The following ZNF609 variants were observed in gnomAD, a reference collection of about 807,000 sequenced individuals.
ZNF609 encodes the protein zinc finger protein 609.
ZNF609 carries 11 observed loss-of-function variants against 109.5 expected under a neutral mutation model. That is an observed-to-expected ratio of 0.10 (90% CI 0.06 to 0.17). The LOEUF is 0.17. Ranked by LOEUF, ZNF609 falls within the 10% of genes least tolerant of loss-of-function variation. The pLI, the probability that ZNF609 is intolerant of heterozygous loss-of-function variation, is 1.00. For synonymous variants in ZNF609, 646 were observed against 662.0 expected (o/e 0.98, Z 0.37); for missense variants, 1,559 against 1,772.4 (o/e 0.88, Z 2.16).
chr15:64,662,307 A>C (rs1372462610), intron 3 of ZNF609, among the ~76,000 whole-genome samples: 3 of 152,150 alleles, frequency 2.0e-5, no homozygotes, highest in Admixed American at 6.5e-5. Context: ...AAGTTGCTAA[A>C]GGCAGCTCAC....
At position 64,678,094 on chromosome 15, in the gene ZNF609, C is replaced by A. The variant is rs200522832; in HGVS notation, c.3403-22C>A. ...CTGTCTTATCTGTACAACACCCAGT[C>A]GTTGTTCTGTGATTGTTGTAGGAGG... On this transcript the variant is annotated intron_variant, in intron 5 of 9. Transcript: ENST00000326648. 9 of 1,601,834 alleles carry A rather than the reference C, an allele frequency of 5.6e-6. No homozygotes were observed. In the East Asian group the frequency reaches 1.1e-4, roughly 20 times the overall value.
Position 64,499,990 on chromosome 15 carries a change from T to C in ZNF609, c.571T>C (p.Leu191=), listed in dbSNP as rs893352627. 6.2e-7 allele frequency: 1 copy of C among 1,613,918 alleles called. No homozygotes were observed. The highest frequency in any genetic ancestry group is 1.3e-5 in the African/African-American group (1 of 74,888). The stretch of plus-strand genomic sequence containing the variant: ...TCCTGGGGTCCTCCAGCCAGTTCCC[T>C]TGGGAGGACGGGGTGGTCAGTATGA... ...KDPGVLQPVP[L]GGRGGQYDGS... is the part of the protein sequence containing the mutation. The change falls in exon 2 of 10, where the codon TTG becomes CTG. Residue 191 remains leucine (L), a synonymous_variant. Transcript: ENST00000326648.
At chr15:64,547,532 G>A (rs1300395698) in intron 2 of ZNF609, among the ~76,000 whole-genome samples, 1 of 152,140 alleles carries the variant, frequency 6.6e-6, no homozygotes, top group African/African-American at 2.4e-5. Context: ...TGGAAAGTAG[G>A]CCCTGTGCTC....
rs373493536 is a variant in ZNF609 at position 64,585,177 on chromosome 15, TAGTC to T, written c.748-37647_748-37644del. On this transcript the variant is annotated intron_variant, in intron 2 of 9. Coordinates refer to ENST00000326648, the MANE Select transcript of ZNF609 (RefSeq NM_015042.2). ...TTGTCTCTACTAAAAATACAAAAAT[TAGTC>T]AGGCGTGGTGATGCACGCCTGTAAT... Among the ~76,000 whole-genome samples, 103 of 151,782 alleles carry T rather than the reference TAGTC, an allele frequency of 6.8e-4. No individual in the cohort carries two copies. In the East Asian group the frequency reaches 0.01, roughly 15 times the overall value.
intron 3 of ZNF609, among the ~76,000 whole-genome samples, 174 bp downstream of exon 3, chr15:64,623,226 C>T (rs1006285665): frequency 5.3e-5 from 8 of 152,232 alleles, no homozygotes; most frequent in African/African-American, 1.9e-4. Context: ...TTCCCAGCTT[C>T]TAGAGATTCT....
intron 2 of ZNF609, 87 bp from the exon 3 acceptor site, chr15:64,622,740 G>GAT: frequency 8.6e-7 from 1 of 1,156,678 alleles, no homozygotes; most frequent in East Asian, 2.3e-5. Flanking sequence ...GGCAGGAATA[G>GAT]ATATAGGACT....
intron 2 of ZNF609, among the ~76,000 whole-genome samples, chr15:64,538,133 G>C (rs1365880767): frequency 6.6e-6 from 1 of 151,636 alleles, no homozygotes; most frequent in Non-Finnish European, 1.5e-5. Context: ...GAAAGAAAAT[G>C]TATATCCTAG....
At chr15:64,668,325 A>G (rs1186439119) in intron 3 of ZNF609, among the ~76,000 whole-genome samples, 1 of 152,228 alleles carries the variant, frequency 6.6e-6, no homozygotes, top group African/African-American at 2.4e-5. Context: ...CAAATACAAC[A>G]AGACTGTGAA....
intron 3 of ZNF609, among the ~76,000 whole-genome samples, chr15:64,659,089 T>A (rs543207189): frequency 6.6e-6 from 1 of 152,300 alleles, no homozygotes; most frequent in South Asian, 2.1e-4. Context: ...TAGGAGAGCC[T>A]TAAAGATCTA....
At chr15:64,480,988 A>C (rs1298173563) in intron 1 of ZNF609, among the ~76,000 whole-genome samples, 1 of 152,220 alleles carries the variant, frequency 6.6e-6, no homozygotes, top group Non-Finnish European at 1.5e-5. Flanking sequence ...TACCCGGAGG[A>C]ACAAATAAGA....
chr15:64,592,906 C>T, intron 2 of ZNF609: 1 of 740,448 alleles, frequency 1.4e-6, no homozygotes, highest in Non-Finnish European at 2.3e-6. Context: ...GAGCAAGACT[C>T]TTGTCTCAAA....
Position 64,678,230 on chromosome 15 carries a change from C to T in ZNF609, c.3517C>T (p.Arg1173Trp), listed in dbSNP as rs138145515. 55 of 1,613,998 alleles carry T rather than the reference C, an allele frequency of 3.4e-5. No homozygotes were observed. The African/African-American group carries it at 6.3e-4, about 18-fold the overall frequency. Residue 1173 changes from arginine to tryptophan, a missense_variant, in exon 6 of 10, where the codon CGG becomes TGG. By Grantham distance (101) the Arg-to-Trp change is moderately radical. Around this residue, in one of 4 missense-constraint regions of ZNF609, gnomAD observed 1,204 missense variants for 1,314.1 expected, o/e 0.92. Transcript: ENST00000326648. ...CCGCAAATTGAAGGAGGAAAGGAGT[C>T]GGAGTAAGGACTCTGTCCCCAAGGA... ...RDRKLKEERSRSKDSVPKEDG... is the reference protein window; with the variant it reads ...RDRKLKEERSWSKDSVPKEDG...
At chr15:64,547,428 A>T (rs1894383294) in intron 2 of ZNF609, among the ~76,000 whole-genome samples, 1 of 152,202 alleles carries the variant, frequency 6.6e-6, no homozygotes, top group South Asian at 2.1e-4. Context: ...CATGAATATA[A>T]AGTGGATGAA....
At chr15:64,579,791 A>G (rs1312672779) in intron 2 of ZNF609, among the ~76,000 whole-genome samples, 1 of 152,200 alleles carries the variant, frequency 6.6e-6, no homozygotes, top group Non-Finnish European at 1.5e-5. Flanking sequence ...AATGACGTAT[A>G]CCCATCAACA....
intron 2 of ZNF609, among the ~76,000 whole-genome samples, chr15:64,569,887 C>T (rs371459981): frequency 1.3e-5 from 2 of 152,154 alleles, no homozygotes; most frequent in African/African-American, 4.8e-5. Context: ...AATAAATGCC[C>T]ACAGAATGTT....
rs1192162519 is a variant in ZNF609, at chr15:64,607,908, T to TTC, written c.748-14918_748-14917insCT. On this transcript the variant is annotated intron_variant, in intron 2 of 9. Coordinates refer to ENST00000326648, the MANE Select transcript of ZNF609 (RefSeq NM_015042.2). ...TTTCTTTTCTTTCTTTTTTTTTTTT[T>TTC]TTTTTTTTGAGACAGAGTCTCACTC... 2.5e-5 allele frequency among the ~76,000 whole-genome samples: 3 copies of TTC among 120,974 alleles called. 1 individual carries two copies. Among genetic ancestry groups the TTC allele is most frequent in the Non-Finnish European group, 5.2e-5 (3 of 57,746 alleles). The allele number at this position is 120,974 out of a possible 152,430, so 79.4% of individuals were successfully genotyped here.
intron 3 of ZNF609, among the ~76,000 whole-genome samples, chr15:64,651,595 C>T (rs528176139): frequency 4.1e-4 from 63 of 152,346 alleles, no homozygotes; most frequent in African/African-American, 1.5e-3. Flanking sequence ...TAGATAGGAG[C>T]AGTGAGCCAT....
chr15:64,561,867 G>C (rs1305785621), intron 2 of ZNF609, among the ~76,000 whole-genome samples: 1 of 152,094 alleles, frequency 6.6e-6, no homozygotes, highest in East Asian at 1.9e-4. Flanking sequence ...TTGTGAGTAT[G>C]GAAGTCATTC....
chr15:64,513,889 C>G (rs112199447), intron 2 of ZNF609, among the ~76,000 whole-genome samples: 1 of 151,942 alleles, frequency 6.6e-6, no homozygotes, highest in African/African-American at 2.4e-5. Context: ...CTTAGAAGTT[C>G]AAGACCAGCC....
Sources: allele counts gnomAD v4.1 joint callset (sites outside exome capture counted in the v4.1 genomes callset), GRCh38; gene constraint gnomAD v4.1.1; regional missense constraint gnomAD v4.1.1; transcripts MANE v1.5; gene names NCBI Gene and HGNC (gene_info 2026-07-23, HGNC 2026-07-21).